FLNA: variants seen among roughly 807,000 people sequenced by gnomAD.
FLNA encodes the protein filamin-A.
FLNA carries 7 observed loss-of-function variants against 157.6 expected under a neutral mutation model. The ratio of observed to expected loss-of-function variants is 0.04; its 90% CI spans 0.03 to 0.08. The LOEUF (loss-of-function observed/expected upper bound fraction) is 0.08, where lower values mean the gene tolerates loss of function less well. FLNA is among the 10% of genes least tolerant of loss of function. The pLI is 1.00. For missense variants in FLNA, 1,750 were observed against 2,398.4 expected (o/e 0.73, Z 5.65); for synonymous variants, 1,103 against 1,060.8 (o/e 1.04, Z -0.77).
intron 15 of FLNA, 47 bp from the exon 16 acceptor site, chrX:154,362,831 G>C (rs1557178399): frequency 1.7e-6 from 2 of 1,157,792 alleles, no homozygotes; most frequent in African/African-American, 1.8e-5. Context: ...GCCTGGAGGA[G>C]ACTCAGAAGC....
At position 154,361,080 on chromosome X, in the gene FLNA, GAAAGAAAAAAAAAAA is replaced by G. The variant is rs2067705630; in HGVS notation, c.3207+213_3207+227del. On this transcript the variant is annotated intron_variant, in intron 21 of 47. Transcript: ENST00000369850. ...AAAAAAAAAAAAAAAAAAAAAAAAA[GAAAGAAAAAAAAAAA>G]AAAGAAATTCTTCAACCCTGATGAC... is the stretch of plus-strand genomic sequence containing the variant. Among the ~76,000 whole-genome samples the G allele has an allele frequency of 1.5e-4, 6 of 39,640 alleles. No homozygotes were observed. The East Asian group carries it at 2.6e-3, about 17-fold the overall frequency. The allele number at this position is 39,640 out of a possible 115,157, so 34.4% of individuals were successfully genotyped here.
In FLNA at chrX:154,364,140, G is replaced by A. The variant is rs781840723; in HGVS notation, c.2162C>T (p.Ala721Val). ...VQDNEGCPVE[A>V]LVKDNGNGTY... is the part of the protein sequence containing the mutation. ...GCCATTGCCGTTGTCCTTGACCAAC[G>A]CCTCCACAGGGCAGCCTTCATTGTC... The change falls in exon 15 of 48, where the codon GCG (alanine) becomes GTG (valine). Residue 721 changes from alanine to valine, a missense_variant. Physicochemically the swap from Ala to Val is moderately conservative, Grantham distance 64. This residue lies in a region of FLNA where 648 missense variants were observed against 805.8 expected (regional missense o/e 0.80). Coordinates refer to ENST00000369850, the MANE Select transcript of FLNA (RefSeq NM_001110556.2). 11 of 1,209,410 alleles carry A rather than the reference G, an allele frequency of 9.1e-6. No individual in the cohort carries two copies. Among genetic ancestry groups the A allele is most frequent in the Non-Finnish European group, 1.2e-5 (11 of 894,974 alleles).
At chrX:154,350,836 G>T in intron 44 of FLNA, 73 bp downstream of exon 44, 1 of 1,148,472 alleles carries the variant, frequency 8.7e-7, no homozygotes. Context: ...TACAGAAGCG[G>T]TACCTTCCTT....
chrX:154,359,754 C>T lies in FLNA; in HGVS notation c.3957G>A (p.Val1319=), dbSNP rs2148111675. The part of the protein sequence containing the change: ...VQDRGDGMYK[V]EYTPYEEGLH... The stretch of plus-strand genomic sequence containing the variant: ...CACCCTCCTCGTAAGGCGTGTACTC[C>T]ACTTTGTACATGCCATCGCCACGGT... Residue 1319 remains valine, a synonymous_variant, in exon 23 of 48, where the codon GTG becomes GTA. Transcript: ENST00000369850. The T allele has an allele frequency of 6.6e-6, 8 of 1,211,038 alleles. No individual in the cohort carries two copies. The highest frequency in any genetic ancestry group is 8.9e-6 in the Non-Finnish European group (8 of 895,444).
Position 154,364,557 on chromosome X carries a change from C to G in FLNA, c.1991G>C (p.Arg664Pro). 8.3e-7 allele frequency: 1 copy of G among 1,210,823 alleles called. No homozygotes were observed. Among genetic ancestry groups the G allele is most frequent in the Non-Finnish European group, 1.1e-6 (1 of 895,505 alleles). ...TGGGTGGAAGTCCTGGGGCGCGTCA[C>G]GGATGTCAGCCATGAAGGGGCTGAG... The part of the protein sequence containing the change: ...IRLSPFMADI[R>P]DAPQDFHPDR... Residue 664 changes from arginine to proline, a missense_variant, in exon 13 of 48, where the codon CGT becomes CCT. Coordinates refer to ENST00000369850, the MANE Select transcript of FLNA (RefSeq NM_001110556.2).
chrX:154,370,341 T>G (rs1376805379), intron 2 of FLNA, among the ~76,000 whole-genome samples: 4 of 111,839 alleles, frequency 3.6e-5, no homozygotes, highest in Non-Finnish European at 7.5e-5. Flanking sequence ...GGGGGGTAGA[T>G]CTAAACTGGT....
chrX:154,372,574 G>A (rs1178432945), intron 1 of FLNA, among the ~76,000 whole-genome samples: 3 of 110,897 alleles, frequency 2.7e-5, no homozygotes, highest in Non-Finnish European at 5.7e-5. Flanking sequence ...CTGCTGTGCC[G>A]AGATGTAGAC....
At chrX:154,354,356 A>G in intron 33 of FLNA, 25 bp downstream of exon 33, 2 of 1,210,776 alleles carry the variant, frequency 1.7e-6, no homozygotes, top group Non-Finnish European at 1.1e-6. Flanking sequence ...TTGGCTCCCG[A>G]GCTCCTTCCC....
chrX:154,352,520 A>G (rs1557175986), intron 40 of FLNA, 33 bp downstream of exon 40: 2 of 1,210,109 alleles, frequency 1.7e-6, no homozygotes, highest in African/African-American at 3.5e-5. Context: ...CTTGAGCCCC[A>G]GGACCCCTCC....
At position 154,361,425 on chromosome X, in the gene FLNA, C is replaced by T. The variant is rs782258417; in HGVS notation, c.3090G>A (p.Val1030=). The change falls in exon 21 of 48, where the codon GTG becomes GTA. Residue 1030 remains valine (V), a synonymous_variant. Transcript: ENST00000369850. ...CTTCCTCACGGGGCAGGAAGCGCAC[C>T]ACACTGTTGTCAGCCCCCAGGCCTG... The part of the protein sequence containing the change: ...VEPGLGADNS[V]VRFLPREEGP... The T allele has an allele frequency of 1.7e-6, 2 of 1,211,286 alleles. No individual in the cohort carries two copies. Among genetic ancestry groups the T allele is most frequent in the Admixed American group, 4.3e-5 (2 of 46,022 alleles).
chrX:154,354,683 T>G lies in FLNA; in HGVS notation c.5246A>C (p.Gln1749Pro). The change falls in exon 32 of 48, where the codon CAG (glutamine) becomes CCG (proline). Residue 1749 changes from glutamine (Q) to proline (P), a missense_variant. Transcript: ENST00000369850. ...TALAGDQPSVQPPLRSQQLAP... is the reference protein window; with the variant it reads ...TALAGDQPSVPPPLRSQQLAP... ...CAGCTGCTGAGACCGTAGAGGGGGCTGCACCGAGGGCTGGTCCCCAGCCAG... is the reference window on the plus strand; with the variant it reads ...CAGCTGCTGAGACCGTAGAGGGGGCGGCACCGAGGGCTGGTCCCCAGCCAG... 1 of 1,207,437 alleles carries G rather than the reference T, an allele frequency of 8.3e-7. No homozygotes were observed. The highest frequency in any genetic ancestry group is 1.1e-6 in the Non-Finnish European group (1 of 893,500).
intron 1 of FLNA, among the ~76,000 whole-genome samples, chrX:154,372,275 G>A (rs1206324678): frequency 8.8e-6 from 1 of 113,312 alleles, no homozygotes; most frequent in African/African-American, 3.2e-5. Flanking sequence ...GCACTGGGGG[G>A]AGCTGAAGCG....
Position 154,364,595 on chromosome X carries a change from G to A in FLNA, c.1953C>T (p.Ser651=), listed in dbSNP as rs199717651. 6.6e-6 allele frequency: 8 copies of A among 1,209,095 alleles called. No individual in the cohort carries two copies. Among genetic ancestry groups the A allele is most frequent in the African/African-American group, 1.8e-5 (1 of 57,133 alleles). Residue 651 remains serine, a synonymous_variant, in exon 13 of 48, where the codon AGC becomes AGT. Transcript: ENST00000369850. ...GEYAVHVLCN[S]EDIRLSPFMA... ...TGAAGGGGCTGAGGCGGATGTCTTCGCTGTTGCACAGCACGTGAACGGCAT... is the reference window on the plus strand; with the variant it reads ...TGAAGGGGCTGAGGCGGATGTCTTCACTGTTGCACAGCACGTGAACGGCAT...
rs373791930 is a variant in FLNA at position 154,364,139 on chromosome X, C to T, written c.2163G>A (p.Ala721=). 2.5e-6 allele frequency: 3 copies of T among 1,209,586 alleles called. No individual in the cohort carries two copies. Among genetic ancestry groups the T allele is most frequent in the East Asian group, 3.0e-5 (1 of 33,745 alleles). The change falls in exon 15 of 48, where the codon GCG becomes GCA. Residue 721 remains alanine (A), a synonymous_variant. Transcript: ENST00000369850. Reference sequence around the variant, plus strand: ...TGCCATTGCCGTTGTCCTTGACCAACGCCTCCACAGGGCAGCCTTCATTGT... The same window carrying T: ...TGCCATTGCCGTTGTCCTTGACCAATGCCTCCACAGGGCAGCCTTCATTGT... ...VQDNEGCPVE[A]LVKDNGNGTY...
Position 154,370,883 on chromosome X carries a change from C to T in FLNA, c.363G>A (p.Leu121=), listed in dbSNP as rs782218697. 2 of 1,210,524 alleles carry T rather than the reference C, an allele frequency of 1.7e-6. No homozygotes were observed. The highest frequency in any genetic ancestry group is 2.2e-6 in the Non-Finnish European group (2 of 895,048). Residue 121 remains leucine, a synonymous_variant, in exon 2 of 48, where the codon CTG becomes CTA. Coordinates refer to ENST00000369850, the MANE Select transcript of FLNA (RefSeq NM_001110556.2). ...CGGGGCGTCCCTCACCGATGGACAC[C>T]AGTTTGATGCTCTCGCGGTCCAGGA... ...LEFLDRESIK[L]VSIDSKAIVD... is the part of the protein sequence containing the mutation.
At position 154,354,248 on chromosome X, in the gene FLNA, G is replaced by A; in HGVS notation, c.5460C>T (p.Ile1820=). 8.3e-7 allele frequency: 1 copy of A among 1,211,836 alleles called. No homozygotes were observed. The highest frequency in any genetic ancestry group is 1.1e-6 in the Non-Finnish European group (1 of 895,635). The change falls in exon 34 of 48, where the codon ATC becomes ATT. Residue 1820 remains isoleucine (I), a synonymous_variant. Coordinates refer to ENST00000369850, the MANE Select transcript of FLNA (RefSeq NM_001110556.2). Reference sequence around the variant, plus strand: ...TCACGGTGCCGTCTTTGTTGTCAGTGATGGTGGGCTGCGCCACCTTGCCTG... The same window carrying A: ...TCACGGTGCCGTCTTTGTTGTCAGTAATGGTGGGCTGCGCCACCTTGCCTG... ...MPSGKVAQPT[I]TDNKDGTVTV...
chrX:154,348,896 C>T lies in FLNA; in HGVS notation c.7897G>A (p.Gly2633Arg), dbSNP rs2067595603. 8.3e-7 allele frequency: 1 copy of T among 1,210,886 alleles called. No homozygotes were observed. The highest frequency in any genetic ancestry group is 1.8e-5 in the South Asian group (1 of 56,976). The part of the protein sequence containing the change: ...KGEYTLVVKW[G>R]DEHIPGSPYR... The stretch of plus-strand genomic sequence containing the variant: ...GGGCTGCCTGGGATGTGCTCGTCCC[C>T]CCATTTGACCACCAGTGTGTACTCC... Residue 2633 changes from glycine to arginine, a missense_variant, in exon 48 of 48, where the codon GGG (glycine) becomes AGG (arginine). Around this residue, in one of 5 missense-constraint regions of FLNA, gnomAD observed 970 missense variants for 1,302.6 expected, o/e 0.74. Transcript: ENST00000369850.
rs1055988296 is a variant in FLNA, at chrX:154,348,639, G to A, written c.*210C>T. 6 of 392,708 alleles carry A rather than the reference G, an allele frequency of 1.5e-5. No homozygotes were observed. The highest frequency in any genetic ancestry group is 2.2e-5 in the Non-Finnish European group (5 of 229,019). 32.4% of individuals were successfully genotyped at this position (392,708 alleles called of 1,213,427 possible). ...CCCAGAACCAAAGAAGACAAGCAGC[G>A]CCACCAAATGGCTCCCTCTGCCCAA... On this transcript the variant is annotated 3_prime_UTR_variant, in exon 48 of 48. Coordinates refer to ENST00000369850, the MANE Select transcript of FLNA (RefSeq NM_001110556.2).
At position 154,357,535 on chromosome X, in the gene FLNA, C is replaced by T. The variant is rs781969477; in HGVS notation, c.4844G>A (p.Arg1615His). ...TVAYVPDVTG[R>H]YTILIKYGGD... is the part of the protein sequence containing the mutation. ...ACCGTACTTGATGAGGATGGTGTAG[C>T]GACCTGTCACGTCTGGCACGTAGGC... Residue 1615 changes from arginine (R) to histidine (H), a missense_variant, in exon 29 of 48, where the codon CGC (arginine) becomes CAC (histidine). By Grantham distance (29) the Arg-to-His change is conservative. Around this residue, in one of 5 missense-constraint regions of FLNA, gnomAD observed 970 missense variants for 1,302.6 expected, o/e 0.74. Coordinates refer to ENST00000369850, the MANE Select transcript of FLNA (RefSeq NM_001110556.2). 3 of 1,210,716 alleles carry T rather than the reference C, an allele frequency of 2.5e-6. No homozygotes were observed. Among genetic ancestry groups the T allele is most frequent in the Non-Finnish European group, 3.4e-6 (3 of 894,338 alleles).
Sources: gnomAD v4.1 joint callset for allele counts (sites outside exome capture counted in the v4.1 genomes callset) on GRCh38, gnomAD v4.1.1 for gene constraint, gnomAD v4.1.1 regional missense constraint, MANE v1.5 for transcripts, NCBI Gene and HGNC (gene_info 2026-07-23, HGNC 2026-07-21) for gene names.